The following EYS variants were observed in gnomAD, a reference collection of about 807,000 sequenced individuals.
EYS encodes the protein protein eyes shut homolog.
EYS carries 250 observed loss-of-function variants against 282.1 expected under a neutral mutation model. The observed-to-expected ratio is 0.89, with a 90% CI of 0.80 to 0.98. EYS has a LOEUF of 0.98. EYS is among the 50% of genes least tolerant of loss of function. EYS has a pLI of 0.00. For synonymous variants in EYS, 1,355 were observed against 1,282.9 expected (o/e 1.06, Z -1.20); for missense variants, 4,016 against 3,709.0 (o/e 1.08, Z -2.15).
At chr6:65,082,760 G>T (rs1207185741) in intron 12 of EYS, among the ~76,000 whole-genome samples, 3 of 151,686 alleles carry the variant, frequency 2.0e-5, no homozygotes, top group African/African-American at 7.3e-5. Flanking sequence ...CTATCAGCCT[G>T]TTTTGATATA....
At chr6:64,711,358 T>C (rs1245193121) in intron 22 of EYS, among the ~76,000 whole-genome samples, 1 of 152,230 alleles carries the variant, frequency 6.6e-6, no homozygotes, top group Non-Finnish European at 1.5e-5. Flanking sequence ...GTGGCTTATA[T>C]ATGTGTGCCC....
chr6:64,764,019 G>A (rs898423435), intron 22 of EYS, among the ~76,000 whole-genome samples: 1 of 152,172 alleles, frequency 6.6e-6, no homozygotes, highest in Admixed American at 6.5e-5. Context: ...CCTCCTGACT[G>A]CTTTCATGGT....
intron 11 of EYS, among the ~76,000 whole-genome samples, chr6:65,317,901 T>G (rs945709210): frequency 2.8e-5 from 4 of 141,944 alleles, no homozygotes; most frequent in Non-Finnish European, 6.1e-5. Flanking sequence ...AGAGTCTCCC[T>G]CTGTTGCCCA....
rs571839485 is a variant in EYS at position 65,370,621 on chromosome 6, T to G, written c.1299+13765A>C. On this transcript the variant is annotated intron_variant, in intron 8 of 42. Transcript: ENST00000503581. ...AAATTTTTTTTATGTATCACTTAAT[T>G]TTTCCCACCTTGCAACAAATGCATC... Among the ~76,000 whole-genome samples, 24 of 151,814 alleles carry G rather than the reference T, an allele frequency of 1.6e-4. No homozygotes were observed. In the South Asian group the frequency reaches 3.1e-3, roughly 20 times the overall value.
At chr6:65,447,665 C>T (rs984878078) in intron 5 of EYS, among the ~76,000 whole-genome samples, 4 of 151,830 alleles carry the variant, frequency 2.6e-5, no homozygotes, top group Non-Finnish European at 4.4e-5. Context: ...AGAACTGATT[C>T]ATTGTCTGAA....
intron 22 of EYS, among the ~76,000 whole-genome samples, chr6:64,712,198 T>G (rs976411661): frequency 2.0e-5 from 3 of 152,188 alleles, no homozygotes; most frequent in African/African-American, 7.2e-5. Flanking sequence ...TAGCAATGTG[T>G]GTGTGAAATA....
chr6:64,655,363 G>A (rs1053619522), intron 22 of EYS, among the ~76,000 whole-genome samples: 1 of 148,608 alleles, frequency 6.7e-6, no homozygotes, highest in Non-Finnish European at 1.5e-5. Flanking sequence ...TCTGCTCAAA[G>A]TCTAATAATG....
intron 22 of EYS, among the ~76,000 whole-genome samples, chr6:64,681,308 T>C (rs1006831895): frequency 8.9e-4 from 135 of 152,086 alleles, no homozygotes; most frequent in African/African-American, 3.1e-3. Flanking sequence ...TGCTTGAGGG[T>C]AATTTCTGGT....
At chr6:65,607,803 T>C (rs1765853680) in intron 2 of EYS, among the ~76,000 whole-genome samples, 1 of 151,886 alleles carries the variant, frequency 6.6e-6, no homozygotes, top group Admixed American at 6.6e-5. Flanking sequence ...TTCACAGAAA[T>C]AAAATGCCAC....
intron 24 of EYS, among the ~76,000 whole-genome samples, chr6:64,603,346 G>A (rs1033776271): frequency 6.6e-6 from 1 of 151,808 alleles, no homozygotes; most frequent in Non-Finnish European, 1.5e-5. Flanking sequence ...ATCCCACAGA[G>A]ATTTTGTTTC....
Position 65,329,789 on chromosome 6 carries a change from A to G in EYS, c.1766+5191T>C, listed in dbSNP as rs377098377. 3.7e-5 allele frequency: 36 copies of G among 977,840 alleles called. No homozygotes were observed. In the East Asian group the frequency reaches 1.8e-3, roughly 50 times the overall value. The allele number at this position is 977,840 out of a possible 1,614,324, so 60.6% of individuals were successfully genotyped here. A position where few individuals can be genotyped will look rare whatever the true frequency, so the allele number is the denominator to read the frequency against. ...AATTTAAGAAAATCCTGGTCAAATTATACTATACTTTTGTGCCATATTCAC... is the reference window on the plus strand; with the variant it reads ...AATTTAAGAAAATCCTGGTCAAATTGTACTATACTTTTGTGCCATATTCAC... On this transcript the variant is annotated intron_variant, in intron 11 of 42. Coordinates refer to ENST00000503581, the MANE Select transcript of EYS (RefSeq NM_001142800.2).
chr6:64,626,419 A>C (rs1023916905), intron 22 of EYS, among the ~76,000 whole-genome samples, 174 bp from the exon 23 acceptor site: 2 of 152,164 alleles, frequency 1.3e-5, no homozygotes, highest in African/African-American at 4.8e-5. Context: ...AGTATGTCTA[A>C]TACTTAACAC....
intron 12 of EYS, among the ~76,000 whole-genome samples, chr6:65,159,888 A>T (rs1304244210): frequency 6.6e-6 from 1 of 151,026 alleles, no homozygotes; most frequent in East Asian, 2.0e-4. Flanking sequence ...AGAGGGATGT[A>T]AGTGTCATTA....
rs755565799 is a variant in EYS, at chr6:65,344,031, A to G, written c.1599+7T>C. 2 of 1,608,252 alleles carry G rather than the reference A, an allele frequency of 1.2e-6. No homozygotes were observed. Among genetic ancestry groups the G allele is most frequent in the Non-Finnish European group, 1.7e-6 (2 of 1,176,168 alleles). ...AAATGAAAAGCAACTACATAAAATTACCTTACCTCTTTTGTGCCTTCATGT... is the reference window on the plus strand; with the variant it reads ...AAATGAAAAGCAACTACATAAAATTGCCTTACCTCTTTTGTGCCTTCATGT... On this transcript the variant is annotated splice_region_variant and intron_variant, in intron 10 of 42. Coordinates refer to ENST00000503581, the MANE Select transcript of EYS (RefSeq NM_001142800.2).
intron 26 of EYS, among the ~76,000 whole-genome samples, chr6:64,546,410 TA>T (rs1378068893): frequency 6.6e-6 from 1 of 152,134 alleles, no homozygotes; most frequent in African/African-American, 2.4e-5. Flanking sequence ...CCTAAAACCA[TA>T]AAAACCCTAG....
At chr6:63,887,687 C>T (rs1423014077) in intron 35 of EYS, among the ~76,000 whole-genome samples, 1 of 152,198 alleles carries the variant, frequency 6.6e-6, no homozygotes, top group Admixed American at 6.5e-5. Context: ...CCTCGGGTGC[C>T]CACGTCACCA....
intron 26 of EYS, among the ~76,000 whole-genome samples, chr6:64,528,908 G>A (rs1261933048): frequency 1.3e-5 from 2 of 151,938 alleles, no homozygotes; most frequent in East Asian, 3.9e-4. Context: ...TCATCAAAAA[G>A]ATATGGAAAT....
intron 19 of EYS, among the ~76,000 whole-genome samples, chr6:64,860,668 C>A (rs755986046): frequency 6.6e-6 from 1 of 152,194 alleles, no homozygotes; most frequent in Non-Finnish European, 1.5e-5. Flanking sequence ...TTTCTTGTTG[C>A]CTGCAACATG....
chr6:63,742,281 T>C (rs1415003286), intron 41 of EYS, among the ~76,000 whole-genome samples: 2 of 152,118 alleles, frequency 1.3e-5, no homozygotes, highest in Admixed American at 1.3e-4. Flanking sequence ...GCACCTCTGT[T>C]CCCCAGCTGC....
Sources: allele counts gnomAD v4.1 joint callset (sites outside exome capture counted in the v4.1 genomes callset), GRCh38; gene constraint gnomAD v4.1.1; transcripts MANE v1.5; gene names NCBI Gene and HGNC (gene_info 2026-07-23, HGNC 2026-07-21).